The following NF1 variants were observed in gnomAD, a reference collection of about 807,000 sequenced individuals.
NF1 encodes the protein neurofibromin.
Under a neutral mutation model 325.7 loss-of-function variants are expected in NF1, and 122 were observed. The observed-to-expected ratio is 0.37, with a 90% CI of 0.32 to 0.44. The LOEUF (loss-of-function observed/expected upper bound fraction) is 0.44, where lower values mean the gene tolerates loss of function less well. Among genes scored for constraint, NF1 ranks in the 20% least tolerant of loss-of-function variants. The probability of loss-of-function intolerance (pLI) is 1.00; values close to 1 mark genes in which losing one functional copy is unlikely to be tolerated. For missense variants in NF1, 2,140 were observed against 3,415.4 expected (o/e 0.63, Z 9.31); for synonymous variants, 1,091 against 1,186.0 (o/e 0.92, Z 1.65).
In NF1 at chr17:31,280,214, T is replaced by A. The variant is rs530713308; in HGVS notation, c.4835+14875T>A. On this transcript the variant is annotated intron_variant, in intron 36 of 57. Coordinates refer to ENST00000358273, the MANE Select transcript of NF1 (RefSeq NM_001042492.3). ...CCCATATAAAGTTTTTTTTTAATTT[T>A]TTTTTTTTTTAAAAAAGAAAGAAAT... 3.2e-3 allele frequency among the ~76,000 whole-genome samples: 491 copies of A among 151,302 alleles called. 2 individuals are homozygous for A. The highest frequency in any genetic ancestry group is 0.011 in the African/African-American group (468 of 41,052).
intron 36 of NF1, among the ~76,000 whole-genome samples, chr17:31,324,135 T>G (rs1161266045): frequency 6.6e-6 from 1 of 152,182 alleles, no homozygotes; most frequent in Admixed American, 6.5e-5. Flanking sequence ...TGGCACAATC[T>G]CAGCTCACTG....
chr17:31,261,518 G>A (rs2067685596), intron 34 of NF1, among the ~76,000 whole-genome samples, 193 bp from the exon 35 acceptor site: 1 of 152,184 alleles, frequency 6.6e-6, no homozygotes, highest in South Asian at 2.1e-4. Flanking sequence ...GGAGATGGGA[G>A]TTTAAATGAC....
chr17:31,314,153 T>A, intron 36 of NF1: 1 of 395,866 alleles, frequency 2.5e-6, no homozygotes, highest in Non-Finnish European at 4.5e-6. Context: ...GTTCCGGAAG[T>A]GCAATAAACC....
chr17:31,142,282 T>G (rs1376329581), intron 1 of NF1, among the ~76,000 whole-genome samples: 1 of 152,220 alleles, frequency 6.6e-6, no homozygotes, highest in Non-Finnish European at 1.5e-5. Context: ...TACCCAAAGA[T>G]TTCTATAATA....
intron 25 of NF1, 105 bp downstream of exon 25, chr17:31,232,294 A>T (rs1309972556): frequency 3.0e-5 from 23 of 755,150 alleles, no homozygotes; most frequent in Admixed American, 7.0e-5. Context: ...GGATAGGAAA[A>T]TAACTGTGTT....
Position 31,360,593 on chromosome 17 carries a change from T to A in NF1, c.8267T>A (p.Leu2756Gln), listed in dbSNP as rs1555537241. 2 of 1,614,146 alleles carry A rather than the reference T, an allele frequency of 1.2e-6. No homozygotes were observed. The highest frequency in any genetic ancestry group is 1.7e-6 in the Non-Finnish European group (2 of 1,179,992). Residue 2756 changes from leucine to glutamine, a missense_variant, in exon 57 of 58, where the codon CTG becomes CAG. Leu to Gln is a moderately radical substitution (Grantham distance 113). Around this residue, in one of 10 missense-constraint regions of NF1, gnomAD observed 522 missense variants for 749.0 expected, o/e 0.70. Coordinates refer to ENST00000358273, the MANE Select transcript of NF1 (RefSeq NM_001042492.3). ...IDEETSEESL[L>Q]TPTSPYPPAL... Reference sequence around the variant, plus strand: ...GAAGAAACCAGTGAAGAATCCCTCCTGACTCCCACATCTCCTTACCCTCCT... The same window carrying A: ...GAAGAAACCAGTGAAGAATCCCTCCAGACTCCCACATCTCCTTACCCTCCT...
At position 31,214,530 on chromosome 17, in the gene NF1, A is replaced by G. The variant is rs199474757; in HGVS notation, c.1472A>G (p.Tyr491Cys). 1.8e-5 allele frequency: 29 copies of G among 1,612,362 alleles called. No individual in the cohort carries two copies. Among genetic ancestry groups the G allele is most frequent in the Non-Finnish European group, 2.4e-5 (28 of 1,178,720 alleles). The change falls in exon 13 of 58, where the codon TAT becomes TGT. Residue 491 changes from tyrosine to cysteine, a missense_variant. Tyr to Cys is a radical substitution (Grantham distance 194, BLOSUM62 -2). This residue lies in a region of NF1 where 179 missense variants were observed against 381.0 expected (regional missense o/e 0.47). Transcript: ENST00000358273. ...PTDLETRSYK[Y>C]LLLSMVKLIH... Reference sequence around the variant, plus strand: ...GACCTGGAGACAAGAAGCTATAAGTATCTTCTCTTGTCCATGGTGAAACTA... The same window carrying G: ...GACCTGGAGACAAGAAGCTATAAGTGTCTTCTCTTGTCCATGGTGAAACTA...
Position 31,201,136 on chromosome 17 carries a change from C to T in NF1, c.1162C>T (p.Pro388Ser), listed in dbSNP as rs2143880229. ...DCLVSCFRIS[P>S]HNNQHFKICL... is the part of the protein sequence containing the mutation. ...CCTTGTTTCTTGCTTTCGTATAAGC[C>T]CTCACAACAACCAACACTTTAAGGT... Residue 388 changes from proline (P) to serine (S), a missense_variant, in exon 10 of 58, where the codon CCT (proline) becomes TCT (serine). Around this residue, in one of 10 missense-constraint regions of NF1, gnomAD observed 179 missense variants for 381.0 expected, o/e 0.47. Transcript: ENST00000358273. 1 of 1,613,974 alleles carries T rather than the reference C, an allele frequency of 6.2e-7. No individual in the cohort carries two copies.
chr17:31,289,080 A>G (rs2151492708), intron 36 of NF1, among the ~76,000 whole-genome samples: 1 of 152,328 alleles, frequency 6.6e-6, no homozygotes, highest in East Asian at 1.9e-4. Context: ...AAGGTGGTCA[A>G]AAAAACAAAC....
intron 36 of NF1, among the ~76,000 whole-genome samples, chr17:31,286,632 A>G (rs2068232462): frequency 6.6e-6 from 1 of 152,190 alleles, no homozygotes; most frequent in South Asian, 2.1e-4. Context: ...GCTTTCTTAG[A>G]TTATTTGTCA....
chr17:31,283,637 G>A (rs1283832173), intron 36 of NF1, among the ~76,000 whole-genome samples: 1 of 151,698 alleles, frequency 6.6e-6, no homozygotes, highest in Admixed American at 6.6e-5. Flanking sequence ...GTATTTTTTT[G>A]TAGAAACACC....
At chr17:31,136,022 CT>C (rs1452486489) in intron 1 of NF1, among the ~76,000 whole-genome samples, 2 of 152,014 alleles carry the variant, frequency 1.3e-5, no homozygotes, top group Non-Finnish European at 2.9e-5. Context: ...AGTAATTGCT[CT>C]TACTTTCCTT....
chr17:31,143,523 A>C (rs1916377929), intron 1 of NF1, among the ~76,000 whole-genome samples: 2 of 151,992 alleles, frequency 1.3e-5, no homozygotes, highest in South Asian at 4.2e-4. Flanking sequence ...ATCCTTCCTC[A>C]GCCTCCCCAA....
rs2067142821 is a variant in NF1 at position 31,233,088 on chromosome 17, A to C, written c.3583A>C (p.Thr1195Pro). The C allele has an allele frequency of 6.2e-7, 1 of 1,614,092 alleles. No individual in the cohort carries two copies. Among genetic ancestry groups the C allele is most frequent in the Admixed American group, 1.7e-5 (1 of 59,998 alleles). The change falls in exon 27 of 58, where the codon ACA becomes CCA. Residue 1195 changes from threonine to proline, a missense_variant. By Grantham distance (38) the Thr-to-Pro change is conservative (BLOSUM62 -1). This residue lies in a region of NF1 where 336 missense variants were observed against 399.0 expected (regional missense o/e 0.84). Transcript: ENST00000358273. ...KILQQGTEFD[T>P]LAETVLADRF... is the part of the protein sequence containing the mutation. ...CCTTCAACAAGGCACAGAATTTGAC[A>C]CACTTGCAGAAACAGTATTGGCTGA...
chr17:31,224,564 C>G (rs149749987), intron 16 of NF1, among the ~76,000 whole-genome samples: 2 of 152,080 alleles, frequency 1.3e-5, no homozygotes, highest in Non-Finnish European at 1.5e-5. Context: ...CTTTCATGGC[C>G]TCGCCTATGG....
intron 36 of NF1, chr17:31,317,465 T>C (rs1284917755): frequency 1.3e-5 from 2 of 151,956 alleles, no homozygotes; most frequent in African/African-American, 4.8e-5. Flanking sequence ...CAACCTTTGG[T>C]ACTTGTTGTT....
intron 7 of NF1, 135 bp downstream of exon 7, chr17:31,181,920 A>G: frequency 1.4e-6 from 1 of 690,858 alleles, no homozygotes; most frequent in Non-Finnish European, 2.6e-6. Flanking sequence ...CTGGTGTCAA[A>G]TAGGAAATAC....
intron 57 of NF1, chr17:31,367,252 T>C: frequency 7.6e-7 from 1 of 1,312,846 alleles, no homozygotes; most frequent in Non-Finnish European, 1.0e-6. Flanking sequence ...AAATCAGCAG[T>C]TTTCATGCAG....
chr17:31,112,561 G>T (rs1913508294), intron 1 of NF1, among the ~76,000 whole-genome samples: 2 of 152,042 alleles, frequency 1.3e-5, no homozygotes, highest in African/African-American at 4.8e-5. Flanking sequence ...CTTTTCATGT[G>T]CTTATTTACC....
Sources: gnomAD v4.1 joint callset for allele counts (sites outside exome capture counted in the v4.1 genomes callset) on GRCh38, gnomAD v4.1.1 for gene constraint, gnomAD v4.1.1 regional missense constraint, MANE v1.5 for transcripts, NCBI Gene and HGNC (gene_info 2026-07-23, HGNC 2026-07-21) for gene names.